The following IAH1 variants were observed in gnomAD, a reference collection of about 807,000 sequenced individuals.
IAH1 encodes the protein isoamyl acetate hydrolyzing esterase 1 (putative), also known as isoamyl acetate-hydrolyzing esterase 1 homolog.
In IAH1, 24 loss-of-function variants were observed where a neutral mutation model predicts 26.7. The ratio of observed to expected loss-of-function variants is 0.90; its 90% CI spans 0.65 to 1.26. IAH1 has a LOEUF of 1.26. IAH1 is among the 50% of genes most tolerant of loss of function. The pLI, the probability that IAH1 is intolerant of heterozygous loss-of-function variation, is 0.00. For synonymous variants in IAH1, 140 were observed against 118.5 expected, an observed-to-expected ratio of 1.18 and a Z score of -1.18; for missense variants, 300 against 299.9, an observed-to-expected ratio of 1.00 and a Z score of 0.00.
At chr2:9,501,299 T>C (rs1662989679), downstream of IAH1, among the ~76,000 whole-genome samples, 2 of 152,080 alleles carry the variant, frequency 1.3e-5, no homozygotes, top group Non-Finnish European at 2.9e-5. Flanking sequence ...ATCATGCTAA[T>C]AGGACAGCAG....
At chr2:9,485,508 G>C (rs976205088) in intron 5 of IAH1, 1 of 152,340 alleles carries the variant, frequency 6.6e-6, no homozygotes, top group Non-Finnish European at 1.5e-5. Context: ...ACAAAAATTA[G>C]CTGGGCATGG....
chr2:9,488,145 A>G lies in IAH1; in HGVS notation c.565-2A>G, dbSNP rs1459869100. ...CCTTTAACCGATTTCTCTCCCTTCT[A>G]GGACTTCTCATCTTATTTATCAGAT... On this transcript the variant is annotated splice_acceptor_variant, in intron 5 of 5. Coordinates refer to ENST00000497473, the MANE Select transcript of IAH1 (RefSeq NM_001039613.3). LOFTEE classifies it high-confidence loss of function. The G allele has an allele frequency of 1.9e-5, 30 of 1,598,502 alleles. No individual in the cohort carries two copies. The highest frequency in any genetic ancestry group is 2.6e-5 in the Non-Finnish European group (30 of 1,173,824).
Position 9,474,938 on chromosome 2 carries a change from T to A in IAH1, c.81+291T>A. ...GCGCCGCCTCCCACCCGGGTCGAGA[T>A]GCGCGGTCTTCCCCTCAGCGCCCTC... On this transcript the variant is annotated intron_variant, in intron 1 of 5. Coordinates refer to ENST00000497473, the MANE Select transcript of IAH1 (RefSeq NM_001039613.3). This position sits in a 1 kb window ranked among gnomAD's most constrained non-coding sequence, Gnocchi z 4.3. The A allele has an allele frequency of 1.1e-6, 1 of 894,250 alleles. No homozygotes were observed. The highest frequency in any genetic ancestry group is 3.8e-5 in the South Asian group (1 of 26,420). 55.4% of individuals were successfully genotyped at this position (894,250 alleles called of 1,614,324 possible).
chr2:9,475,891 G>C, intron 1 of IAH1, 96 bp from the exon 2 acceptor site: 2 of 1,005,810 alleles, frequency 2.0e-6, no homozygotes, highest in East Asian at 5.1e-5. Flanking sequence ...GCCAAGAAGG[G>C]AGCGCCGAGA....
At chr2:9,504,950 C>T in the IAH1 span, among the ~76,000 whole-genome samples, 1 of 152,056 alleles carries the variant, frequency 6.6e-6, no homozygotes, top group East Asian at 1.9e-4. Flanking sequence ...GCATTTCTCC[C>T]ACCTCAGCCT....
intron 5 of IAH1, chr2:9,487,575 T>C (rs1294929945): frequency 6.6e-6 from 1 of 152,164 alleles, no homozygotes; most frequent in Admixed American, 6.5e-5. Flanking sequence ...AACTCAATTC[T>C]ATAATATGGA....
At chr2:9,500,365 A>G (rs1486484959), downstream of IAH1, among the ~76,000 whole-genome samples, 1 of 152,218 alleles carries the variant, frequency 6.6e-6, no homozygotes, top group African/African-American at 2.4e-5. Context: ...ACAACTCCAT[A>G]AAGAATAGGG....
the IAH1 span, among the ~76,000 whole-genome samples, chr2:9,504,948 C>G: frequency 6.6e-6 from 1 of 152,060 alleles, no homozygotes; most frequent in Non-Finnish European, 1.5e-5. Context: ...AAGCATTTCT[C>G]CCACCTCAGC....
At chr2:9,499,104 TTTC>T (rs1258280766), downstream of IAH1, among the ~76,000 whole-genome samples, 5 of 87,034 alleles carry the variant, frequency 5.7e-5, no homozygotes, top group South Asian at 2.8e-4. Flanking sequence ...GCTTTTTTTC[TTTC>T]TTCTTCTTTT....
chr2:9,496,954 T>C (rs868525057), downstream of IAH1, among the ~76,000 whole-genome samples: 1 of 152,198 alleles, frequency 6.6e-6, no homozygotes, highest in African/African-American at 2.4e-5. Context: ...CATGCAGAGA[T>C]GCCTGTCTCC....
At position 9,488,386 on chromosome 2, in the gene IAH1, C is replaced by A; in HGVS notation, c.*57C>A. The A allele has an allele frequency of 3.7e-6, 5 of 1,339,468 alleles. No homozygotes were observed. Among genetic ancestry groups the A allele is most frequent in the East Asian group, 2.4e-5 (1 of 41,950 alleles). The allele number at this position is 1,339,468 out of a possible 1,614,324, so 83.0% of individuals were successfully genotyped here. On this transcript the variant is annotated 3_prime_UTR_variant, in exon 6 of 6. Transcript: ENST00000497473. ...TCTACAGAACTCAAAGTTGTCAATA[C>A]GTAGAGGTACGCTTTTTTCCTCAGG...
the IAH1 span, among the ~76,000 whole-genome samples, chr2:9,511,174 C>T: frequency 3.3e-5 from 5 of 152,122 alleles, no homozygotes; most frequent in East Asian, 3.9e-4. Context: ...TACGGATAGG[C>T]GCAGTGGCTC....
At chr2:9,487,827 TGTGTGTGCGCGCGCGC>T (rs1414766627) in intron 5 of IAH1, among the ~76,000 whole-genome samples, 125 of 97,226 alleles carry the variant, frequency 1.3e-3, no homozygotes, top group African/African-American at 4.4e-3. Flanking sequence ...TGTGTGTGTG[TGTGTGTGCGCGCGCGC>T]GCGCGCGCTG....
At position 9,484,500 on chromosome 2, in the gene IAH1, G is replaced by C. The variant is rs762776451; in HGVS notation, c.514G>C (p.Asp172His). 2 of 1,614,190 alleles carry C rather than the reference G, an allele frequency of 1.2e-6. No homozygotes were observed. The highest frequency in any genetic ancestry group is 2.2e-5 in the South Asian group (2 of 91,084). The change falls in exon 5 of 6, where the codon GAC becomes CAC. Residue 172 changes from aspartate to histidine, a missense_variant. By Grantham distance (81) the Asp-to-His change is moderately conservative. Transcript: ENST00000497473. ...CAATGCGTGTTTACAAGTGGCCCAAGACTGTGGGACTGACGTACTTGACCT... is the reference window on the plus strand; with the variant it reads ...CAATGCGTGTTTACAAGTGGCCCAACACTGTGGGACTGACGTACTTGACCT... ...YANACLQVAQ[D>H]CGTDVLDLWT...
the IAH1 span, among the ~76,000 whole-genome samples, chr2:9,508,513 C>T: frequency 2.6e-5 from 4 of 152,144 alleles, no homozygotes; most frequent in South Asian, 4.1e-4. Flanking sequence ...GTGTTGAAAC[C>T]ATTGCTATAA....
the IAH1 span, among the ~76,000 whole-genome samples, chr2:9,511,615 T>C: frequency 3.4e-3 from 515 of 152,362 alleles, 2 homozygotes; most frequent in African/African-American, 0.012. Context: ...ATGATTTCTA[T>C]ATGAATAATA....
chr2:9,491,545 T>C (rs769592009), downstream of IAH1, among the ~76,000 whole-genome samples: 130 of 152,184 alleles, frequency 8.5e-4, no homozygotes, highest in Non-Finnish European at 1.6e-3. Context: ...AAGACCCAGG[T>C]GGCTGGGCCT....
downstream of IAH1, among the ~76,000 whole-genome samples, chr2:9,498,093 G>A (rs1662750963): frequency 6.6e-6 from 1 of 152,182 alleles, no homozygotes; most frequent in Admixed American, 6.5e-5. Context: ...GCAGGGGTGT[G>A]ATCATAGCTT....
chr2:9,499,651 C>T (rs998695428), downstream of IAH1, among the ~76,000 whole-genome samples: 2 of 152,118 alleles, frequency 1.3e-5, no homozygotes, highest in East Asian at 3.9e-4. Context: ...ATCTGCCCAC[C>T]TCGGCCTCCC....
Sources: gnomAD v4.1 joint callset for allele counts (sites outside exome capture counted in the v4.1 genomes callset) on GRCh38, gnomAD v4.1.1 for gene constraint, Gnocchi (gnomAD v3.1) non-coding constraint, MANE v1.5 for transcripts, NCBI Gene and HGNC (gene_info 2026-07-23, HGNC 2026-07-21) for gene names.